The following RASSF4 variants were observed in gnomAD, a reference collection of about 807,000 sequenced individuals.
RASSF4 encodes the protein ras association domain-containing protein 4.
RASSF4 carries 38 observed loss-of-function variants against 41.1 expected under a neutral mutation model. The observed-to-expected ratio is 0.92, with a 90% CI of 0.71 to 1.21. The LOEUF (loss-of-function observed/expected upper bound fraction) is 1.21. Among genes scored for constraint, RASSF4 ranks in the 50% most tolerant of loss-of-function variants. The pLI is 0.00. For synonymous variants in RASSF4, 179 were observed against 163.4 expected (o/e 1.10, Z -0.73); for missense variants, 414 against 419.4 (o/e 0.99, Z 0.11).
chr10:44,989,376 GT>G lies in RASSF4; in HGVS notation c.633+2del. The G allele has an allele frequency of 6.2e-7, 1 of 1,604,054 alleles. No individual in the cohort carries two copies. The highest frequency in any genetic ancestry group is 8.5e-7 in the Non-Finnish European group (1 of 1,171,242). The stretch of plus-strand genomic sequence containing the variant: ...CACCCTGCTGCTGAACAAATTTAGG[GT>G]AAGCCTGGTCAGGAGCAGCCTTGCC... On this transcript the variant is annotated splice_donor_variant, in intron 7 of 10. Transcript: ENST00000340258. LOFTEE classifies it high-confidence loss of function.
chr10:44,985,216 C>G (rs554435280), intron 6 of RASSF4, among the ~76,000 whole-genome samples: 3 of 152,362 alleles, frequency 2.0e-5, no homozygotes, highest in Admixed American at 1.3e-4. Context: ...CCTGGGCAGA[C>G]AGTAACGCTG....
intron 7 of RASSF4, 66 bp downstream of exon 7, chr10:44,989,441 G>A: frequency 1.6e-6 from 2 of 1,241,652 alleles, no homozygotes; most frequent in East Asian, 2.4e-5. Context: ...TGGGGGTGGG[G>A]TTCTGGGGAA....
At chr10:44,965,666 T>C (rs884879) in intron 1 of RASSF4, among the ~76,000 whole-genome samples, 87,845 of 152,106 alleles carry the variant, frequency 0.58, 26,226 homozygotes, top group Non-Finnish European at 0.66. Context: ...AAAAACCTCC[T>C]TTTGCTGCAG....
At chr10:44,992,427 C>T (rs1331115398) in intron 10 of RASSF4, among the ~76,000 whole-genome samples, 1 of 152,238 alleles carries the variant, frequency 6.6e-6, no homozygotes, top group African/African-American at 2.4e-5. Flanking sequence ...TGAGCCTTCC[C>T]CAAAGTGGCA....
At chr10:44,974,194 G>A (rs1841299574) in intron 3 of RASSF4, among the ~76,000 whole-genome samples, 1 of 152,226 alleles carries the variant, frequency 6.6e-6, no homozygotes, top group Non-Finnish European at 1.5e-5. Flanking sequence ...TGCTGCAGGG[G>A]CAGGGCCATC....
At chr10:44,975,103 AGGCTCCGG>A (rs1401452800) in intron 3 of RASSF4, among the ~76,000 whole-genome samples, 2 of 151,926 alleles carry the variant, frequency 1.3e-5, no homozygotes, top group Non-Finnish European at 2.9e-5. Context: ...CGCGGCGCCG[AGGCTCCGG>A]GGCGCCCCCT....
intron 1 of RASSF4, among the ~76,000 whole-genome samples, chr10:44,965,242 T>C (rs888893661): frequency 6.6e-6 from 1 of 152,222 alleles, no homozygotes; most frequent in Non-Finnish European, 1.5e-5. Context: ...AAACAGGCTA[T>C]GGAAGGAGGA....
At chr10:44,982,753 T>A in intron 4 of RASSF4, 90 bp downstream of exon 4, 1 of 1,402,890 alleles carries the variant, frequency 7.1e-7, no homozygotes, top group Non-Finnish European at 9.8e-7. Context: ...CCCTGTTCCC[T>A]TATGGGACAC....
At chr10:44,979,883 G>C (rs1035583414) in intron 3 of RASSF4, among the ~76,000 whole-genome samples, 4 of 152,046 alleles carry the variant, frequency 2.6e-5, no homozygotes, top group African/African-American at 9.7e-5. Context: ...TGGGGCTGGG[G>C]GGCTGCCAAG....
At chr10:44,989,777 C>T in intron 8 of RASSF4, 56 bp downstream of exon 8, 2 of 1,461,030 alleles carry the variant, frequency 1.4e-6, no homozygotes, top group Non-Finnish European at 1.9e-6. Flanking sequence ...ACCTGTTCAG[C>T]AAGCCCCCTC....
intron 3 of RASSF4, chr10:44,977,342 G>A (rs1263064026): frequency 6.6e-7 from 1 of 1,514,032 alleles, no homozygotes; most frequent in African/African-American, 1.4e-5. Context: ...GGAGACGAGA[G>A]GAGATGCAGA....
At chr10:44,989,472 G>A (rs1314840128) in intron 7 of RASSF4, 97 bp downstream of exon 7, 10 of 995,732 alleles carry the variant, frequency 1.0e-5, no homozygotes, top group Middle Eastern at 2.3e-4. Context: ...GGCAGAAGCT[G>A]CCTGGGCAGA....
intron 2 of RASSF4, chr10:44,971,356 A>G: frequency 2.6e-6 from 1 of 382,326 alleles, no homozygotes; most frequent in South Asian, 1.9e-5. Context: ...CGCAGCAGCC[A>G]CAGCAGGCCT....
chr10:44,968,443 C>G (rs1840992170), intron 1 of RASSF4, among the ~76,000 whole-genome samples: 1 of 152,158 alleles, frequency 6.6e-6, no homozygotes, highest in Admixed American at 6.5e-5. Context: ...GTGCCTAACT[C>G]TGGAGCAAGG....
chr10:44,965,494 G>A (rs926434394), intron 1 of RASSF4, among the ~76,000 whole-genome samples: 4 of 152,208 alleles, frequency 2.6e-5, no homozygotes, highest in Admixed American at 2.0e-4. Flanking sequence ...AGAAATATAT[G>A]TTGGGGATAA....
intron 3 of RASSF4, chr10:44,978,517 C>T (rs1394971910): frequency 6.5e-6 from 1 of 153,054 alleles, no homozygotes; most frequent in Non-Finnish European, 1.5e-5. Flanking sequence ...TGGTCTCTAA[C>T]CCATAGGGAG....
chr10:44,988,788 G>A (rs1842005985), intron 6 of RASSF4, among the ~76,000 whole-genome samples: 1 of 152,204 alleles, frequency 6.6e-6, no homozygotes, highest in African/African-American at 2.4e-5. Context: ...GTTCCTGTAG[G>A]CAGCGGTGCA....
intron 4 of RASSF4, chr10:44,983,741 G>C (rs1588836658): frequency 8.9e-6 from 4 of 447,894 alleles, no homozygotes; most frequent in Non-Finnish European, 1.6e-5. Context: ...CGCAGGCCCT[G>C]ACTATGTTCA....
intron 3 of RASSF4, chr10:44,978,827 A>G (rs1437995634): frequency 1.3e-5 from 2 of 152,242 alleles, no homozygotes; most frequent in Non-Finnish European, 2.9e-5. Flanking sequence ...CTTCGCAGGC[A>G]AGCTGCTTTT....
Sources: allele counts gnomAD v4.1 joint callset (sites outside exome capture counted in the v4.1 genomes callset), GRCh38; gene constraint gnomAD v4.1.1; transcripts MANE v1.5; gene names NCBI Gene and HGNC (gene_info 2026-07-23, HGNC 2026-07-21).